Variants in SIPA1L1 observed in about 807,000 individuals in gnomAD.
The protein encoded by SIPA1L1 is signal-induced proliferation-associated 1-like protein 1.
In SIPA1L1, 26 loss-of-function variants were observed where a neutral mutation model predicts 162.7. The observed-to-expected ratio is 0.16, with a 90% CI of 0.12 to 0.22. The LOEUF is 0.22. SIPA1L1 is among the 10% of genes least tolerant of loss of function. SIPA1L1 has a pLI of 1.00. For missense variants in SIPA1L1, 1,874 were observed against 2,241.0 expected, an observed-to-expected ratio of 0.84 and a Z score of 3.31; for synonymous variants, 829 against 837.4, an observed-to-expected ratio of 0.99 and a Z score of 0.17.
intron 5 of SIPA1L1, 79 bp from the exon 6 acceptor site, chr14:71,618,678 C>G (rs1472643638): frequency 7.5e-7 from 1 of 1,330,620 alleles, no homozygotes; most frequent in Non-Finnish European, 1.0e-6. Flanking sequence ...GAGTGACAAC[C>G]TTAAATACTG....
chr14:71,489,962 A>G (rs1313871040), intron 2 of SIPA1L1, among the ~76,000 whole-genome samples: 4 of 152,226 alleles, frequency 2.6e-5, no homozygotes, highest in African/African-American at 9.6e-5. Flanking sequence ...ATAATCAGTT[A>G]TCAAAATATG....
intron 4 of SIPA1L1, among the ~76,000 whole-genome samples, chr14:71,563,829 T>C (rs2056980373): frequency 6.6e-6 from 1 of 152,262 alleles, no homozygotes; most frequent in African/African-American, 2.4e-5. Flanking sequence ...TGTGTATTCT[T>C]ACTGCACTGT....
At chr14:71,562,641 A>G (rs1229803446) in intron 4 of SIPA1L1, among the ~76,000 whole-genome samples, 1 of 152,040 alleles carries the variant, frequency 6.6e-6, no homozygotes, top group Non-Finnish European at 1.5e-5. Context: ...TTTTTATTTC[A>G]TGTTTTGTTA....
At chr14:71,717,160 A>C (rs371297334) in intron 17 of SIPA1L1, among the ~76,000 whole-genome samples, 1 of 152,128 alleles carries the variant, frequency 6.6e-6, no homozygotes, top group East Asian at 1.9e-4. Context: ...GGCCTCCCAA[A>C]GTGCTGGGAT....
chr14:71,603,152 T>G (rs2036994022), intron 5 of SIPA1L1, among the ~76,000 whole-genome samples: 2 of 152,230 alleles, frequency 1.3e-5, no homozygotes, highest in Admixed American at 1.3e-4. Flanking sequence ...TTTATCTAAG[T>G]CTACCTATTC....
Position 71,330,302 on chromosome 14 carries a change from A to G in SIPA1L1, c.-465+9121A>G, listed in dbSNP as rs2140266185. On this transcript the variant is annotated intron_variant, in intron 2 of 23. Transcript: ENST00000381232. ...TGAAGTCTAGTTAGCATGTTGTGGG[A>G]GAGTCCACATGAAGGGCTGTGGGCT... 5 of 754,318 alleles carry G rather than the reference A, an allele frequency of 6.6e-6. No homozygotes were observed. In the South Asian group the frequency reaches 7.0e-5, roughly 11 times the overall value. 46.7% of individuals were successfully genotyped at this position (754,318 alleles called of 1,614,324 possible).
At chr14:71,427,605 A>G (rs1426742387) in intron 2 of SIPA1L1, among the ~76,000 whole-genome samples, 1 of 152,056 alleles carries the variant, frequency 6.6e-6, no homozygotes, top group African/African-American at 2.4e-5. Flanking sequence ...TCACTTTTCT[A>G]CAGTCTTCTT....
intron 2 of SIPA1L1, among the ~76,000 whole-genome samples, chr14:71,486,268 G>T (rs926507830): frequency 2.0e-5 from 3 of 152,212 alleles, no homozygotes; most frequent in Non-Finnish European, 4.4e-5. Context: ...ACTATACAGG[G>T]TTCGATTTTC....
chr14:71,571,964 T>C (rs561066296), intron 4 of SIPA1L1, among the ~76,000 whole-genome samples: 60 of 152,234 alleles, frequency 3.9e-4, no homozygotes, highest in African/African-American at 1.4e-3. Context: ...GATAGTTTAT[T>C]TTTAAAAAGA....
At chr14:71,426,656 A>AT (rs1359554552) in intron 2 of SIPA1L1, among the ~76,000 whole-genome samples, 1 of 151,556 alleles carries the variant, frequency 6.6e-6, no homozygotes, top group African/African-American at 2.4e-5. Context: ...TGCCCAGCTA[A>AT]TTTTTTTGTA....
At position 71,328,475 on chromosome 14, in the gene SIPA1L1, C is replaced by G. The variant is rs188456346; in HGVS notation, c.-465+7294C>G. ...AGGTGATTCTGTTATGCTTCTCCCC[C>G]ACCCAGTTGAAAACACAGTGGCTTT... On this transcript the variant is annotated intron_variant, in intron 2 of 23. Transcript: ENST00000381232. 4.8e-4 allele frequency among the ~76,000 whole-genome samples: 73 copies of G among 152,300 alleles called. 1 individual carries two copies. Among genetic ancestry groups the G allele is most frequent in the African/African-American group, 1.7e-3 (72 of 41,568 alleles).
Position 71,570,012 on chromosome 14 carries a change from C to G in SIPA1L1, c.-302-17559C>G, listed in dbSNP as rs907851353. 6.6e-5 allele frequency among the ~76,000 whole-genome samples: 10 copies of G among 152,118 alleles called. No homozygotes were observed. The East Asian group carries it at 9.6e-4, about 15-fold the overall frequency. On this transcript the variant is annotated intron_variant, in intron 4 of 23. Transcript: ENST00000381232. ...AGTAACATTGTGGCATTTTTAGCTTCTACTATGGAAGGCAGATTTTGTATA... is the reference window on the plus strand; with the variant it reads ...AGTAACATTGTGGCATTTTTAGCTTGTACTATGGAAGGCAGATTTTGTATA...
chr14:71,386,729 CTTTTA>C (rs1821295117), intron 2 of SIPA1L1, among the ~76,000 whole-genome samples: 1 of 152,130 alleles, frequency 6.6e-6, no homozygotes, highest in Admixed American at 6.5e-5. Flanking sequence ...CTGAATGATC[CTTTTA>C]TTTTTAGTTT....
chr14:71,464,305 T>A (rs950624386), intron 2 of SIPA1L1, among the ~76,000 whole-genome samples: 3 of 151,976 alleles, frequency 2.0e-5, no homozygotes, highest in Non-Finnish European at 4.4e-5. Context: ...ACCAAGCAAA[T>A]AAACTATTAG....
At chr14:71,382,623 A>C (rs2039997664) in intron 2 of SIPA1L1, among the ~76,000 whole-genome samples, 1 of 152,184 alleles carries the variant, frequency 6.6e-6, no homozygotes, top group South Asian at 2.1e-4. Context: ...TGAGCTGTGT[A>C]GAATTGCTCT....
intron 9 of SIPA1L1, 59 bp from the exon 10 acceptor site, chr14:71,661,251 G>A (rs1171051322): frequency 1.9e-6 from 3 of 1,563,328 alleles, no homozygotes; most frequent in African/African-American, 1.4e-5. Context: ...TAAGGGAATT[G>A]GGGTGGCGGG....
intron 2 of SIPA1L1, among the ~76,000 whole-genome samples, chr14:71,364,284 AC>A (rs1269667305): frequency 6.6e-6 from 1 of 152,142 alleles, no homozygotes; most frequent in Admixed American, 6.6e-5. Context: ...AGGGAAACCC[AC>A]CCTTTTTAAT....
chr14:71,345,650 T>C (rs1399514214), intron 2 of SIPA1L1, among the ~76,000 whole-genome samples: 1 of 150,782 alleles, frequency 6.6e-6, no homozygotes, highest in Non-Finnish European at 1.5e-5. Context: ...CTTGGCTCAC[T>C]GCAAGCTCTG....
chr14:71,441,171 C>T (rs1293578267), intron 2 of SIPA1L1, among the ~76,000 whole-genome samples: 4 of 152,178 alleles, frequency 2.6e-5, no homozygotes, highest in African/African-American at 9.7e-5. Context: ...ATGGTGTTGT[C>T]TGTTTGAATA....
Sources: gnomAD v4.1 joint callset for allele counts (sites outside exome capture counted in the v4.1 genomes callset) on GRCh38, gnomAD v4.1.1 for gene constraint, MANE v1.5 for transcripts, NCBI Gene and HGNC (gene_info 2026-07-23, HGNC 2026-07-21) for gene names.